TANC1: variants seen among roughly 807,000 people sequenced by gnomAD.
The protein encoded by TANC1 is tetratricopeptide repeat, ankyrin repeat and coiled-coil containing 1.
Under a neutral mutation model 149.7 loss-of-function variants are expected in TANC1, and 77 were observed. The ratio of observed to expected loss-of-function variants is 0.51; its 90% CI spans 0.43 to 0.62. The LOEUF is 0.62. Ranked by LOEUF, TANC1 falls within the 20% of genes least tolerant of loss-of-function variation. TANC1 has a pLI of 0.00. For missense variants in TANC1, 1,985 were observed against 2,321.8 expected (o/e 0.85, Z 2.98); for synonymous variants, 854 against 925.0 (o/e 0.92, Z 1.39).
intron 3 of TANC1, 97 bp from the exon 4 acceptor site, chr2:159,097,539 TG>T: frequency 1.1e-6 from 1 of 944,214 alleles, no homozygotes; most frequent in Non-Finnish European, 1.6e-6. Context: ...ATCTGATATG[TG>T]GGAATTATAT....
chr2:159,047,787 G>A (rs939529174), intron 2 of TANC1, among the ~76,000 whole-genome samples: 1 of 152,126 alleles, frequency 6.6e-6, no homozygotes, highest in Non-Finnish European at 1.5e-5. Flanking sequence ...TGTCTGAAGG[G>A]CATGCATCCT....
chr2:159,219,135 G>A, intron 20 of TANC1, 103 bp from the exon 21 acceptor site: 2 of 1,470,052 alleles, frequency 1.4e-6, no homozygotes, highest in Middle Eastern at 2.1e-4. Flanking sequence ...ATTTTTGAAA[G>A]AAAGTCATTT....
chr2:159,066,785 A>G (rs891256622), intron 3 of TANC1, among the ~76,000 whole-genome samples: 3 of 152,120 alleles, frequency 2.0e-5, no homozygotes, highest in African/African-American at 7.2e-5. Context: ...CTTGAATTTC[A>G]TTCTTGTTTG....
At chr2:159,033,654 C>G (rs773114231) in intron 2 of TANC1, among the ~76,000 whole-genome samples, 5 of 152,158 alleles carry the variant, frequency 3.3e-5, no homozygotes, top group Admixed American at 6.5e-5. Flanking sequence ...GAGCAGGTAG[C>G]AAGCAGGTAT....
chr2:159,195,468 A>G (rs2057775330), intron 17 of TANC1, among the ~76,000 whole-genome samples: 1 of 152,214 alleles, frequency 6.6e-6, no homozygotes, highest in Non-Finnish European at 1.5e-5. Context: ...TCGAGCTCAC[A>G]GTAAATGCTA....
intron 1 of TANC1, among the ~76,000 whole-genome samples, chr2:158,974,387 ATG>A (rs781391223): frequency 5.9e-5 from 9 of 152,202 alleles, no homozygotes; most frequent in Non-Finnish European, 1.2e-4. Context: ...ATTAAAAATC[ATG>A]TATTATTTGC....
intron 1 of TANC1, among the ~76,000 whole-genome samples, chr2:158,969,477 G>C (rs2032506773): frequency 2.0e-5 from 3 of 152,238 alleles, no homozygotes; most frequent in Non-Finnish European, 2.9e-5. Context: ...TGAGAAGAGC[G>C]GTAATTGTCA....
chr2:159,173,087 G>A (rs933494156), intron 11 of TANC1, among the ~76,000 whole-genome samples: 1 of 152,128 alleles, frequency 6.6e-6, no homozygotes, highest in African/African-American at 2.4e-5. Flanking sequence ...ATGAGTGGGT[G>A]ATTTGAGATG....
In TANC1 at chr2:159,219,286, A is replaced by C. The variant is rs1559481097; in HGVS notation, c.3427A>C (p.Lys1143Gln). 6.2e-7 allele frequency: 1 copy of C among 1,614,176 alleles called. No homozygotes were observed. The highest frequency in any genetic ancestry group is 8.5e-7 in the Non-Finnish European group (1 of 1,180,038). Residue 1143 changes from lysine to glutamine, a missense_variant, in exon 21 of 27, where the codon AAG becomes CAG. Lys to Gln is a moderately conservative substitution (Grantham distance 53, BLOSUM62 1). Around this residue, in one of 3 missense-constraint regions of TANC1, gnomAD observed 920 missense variants for 994.7 expected, o/e 0.92. Transcript: ENST00000263635. ...CGGCTGTGATGTGAACCTAAGTGAC[A>C]AGCAAGGCCGGACGCCCCTCATGGT... Reference protein sequence around the residue: ...ERGCDVNLSDKQGRTPLMVAA... With the variant: ...ERGCDVNLSDQQGRTPLMVAA...
chr2:158,980,417 C>T (rs1181199401), intron 1 of TANC1, among the ~76,000 whole-genome samples: 2 of 151,960 alleles, frequency 1.3e-5, no homozygotes, highest in Non-Finnish European at 2.9e-5. Flanking sequence ...GCATTTCTAA[C>T]TTAGGACTTA....
chr2:158,991,344 C>T (rs974454293), intron 1 of TANC1, among the ~76,000 whole-genome samples: 4 of 151,886 alleles, frequency 2.6e-5, no homozygotes, highest in Non-Finnish European at 4.4e-5. Context: ...TACATCCATA[C>T]GATAGAGTGG....
Position 159,046,441 on chromosome 2 carries a change from G to A in TANC1, c.-15-19455G>A, listed in dbSNP as rs911083269. 5.3e-5 allele frequency among the ~76,000 whole-genome samples: 8 copies of A among 152,106 alleles called. No homozygotes were observed. The South Asian group carries it at 8.3e-4, about 16-fold the overall frequency. The stretch of plus-strand genomic sequence containing the variant: ...CGCCTCAATAGAAACTGCCCTTGTC[G>A]ACGTCCCAAATGGCCTCTGATCATT... On this transcript the variant is annotated intron_variant, in intron 2 of 26. Transcript: ENST00000263635.
chr2:159,089,443 T>C (rs1216447254), intron 3 of TANC1, among the ~76,000 whole-genome samples: 1 of 152,140 alleles, frequency 6.6e-6, no homozygotes, highest in Non-Finnish European at 1.5e-5. Context: ...CTTGAGCGGC[T>C]GTTCCCCCTC....
chr2:159,017,680 T>TAAC (rs937114538), intron 2 of TANC1, among the ~76,000 whole-genome samples: 1 of 143,754 alleles, frequency 7.0e-6, no homozygotes, highest in Non-Finnish European at 1.5e-5. Flanking sequence ...GCAGTCTGGG[T>TAAC]AACAACAACA....
At chr2:159,004,993 TG>T (rs1404272883) in intron 2 of TANC1, among the ~76,000 whole-genome samples, 1 of 152,198 alleles carries the variant, frequency 6.6e-6, no homozygotes, top group Non-Finnish European at 1.5e-5. Flanking sequence ...AATAAAGCGA[TG>T]GGCCGAAACA....
chr2:159,033,462 C>A (rs1420225260), intron 2 of TANC1, among the ~76,000 whole-genome samples: 1 of 152,130 alleles, frequency 6.6e-6, no homozygotes, highest in African/African-American at 2.4e-5. Context: ...TGCCCATGGG[C>A]TGCGGGAGAG....
intron 1 of TANC1, among the ~76,000 whole-genome samples, chr2:158,978,801 G>A (rs2033981586): frequency 1.3e-5 from 2 of 152,218 alleles, no homozygotes; most frequent in African/African-American, 4.8e-5. Context: ...GTTGAGCTAT[G>A]TTAGATATAT....
chr2:159,193,586 G>A (rs546354966), intron 16 of TANC1, among the ~76,000 whole-genome samples: 72 of 152,228 alleles, frequency 4.7e-4, no homozygotes, highest in Non-Finnish European at 6.9e-4. Context: ...GTGCAGTGGT[G>A]CAATCTCAGC....
intron 16 of TANC1, among the ~76,000 whole-genome samples, chr2:159,193,874 C>T (rs181781196): frequency 9.2e-5 from 14 of 151,870 alleles, no homozygotes; most frequent in Admixed American, 7.2e-4. Context: ...CACATCAGGG[C>T]CTTGCTGTGT....
Sources: allele counts gnomAD v4.1 joint callset (sites outside exome capture counted in the v4.1 genomes callset), GRCh38; gene constraint gnomAD v4.1.1; regional missense constraint gnomAD v4.1.1; transcripts MANE v1.5; gene names NCBI Gene and HGNC (gene_info 2026-07-23, HGNC 2026-07-21).